The following INSL6 variants were observed in gnomAD, a reference collection of about 807,000 sequenced individuals.
INSL6 encodes the protein insulin-like peptide INSL6.
A neutral mutation model predicts 9.4 loss-of-function variants in INSL6; 16 were observed. The ratio of observed to expected loss-of-function variants is 1.70; its 90% CI spans 1.15 to 2.59. INSL6 has a LOEUF of 2.59. Among genes scored for constraint, INSL6 ranks in the 30% most tolerant of loss-of-function variants. The pLI is 0.00. For synonymous variants in INSL6, 154 were observed against 96.9 expected, an observed-to-expected ratio of 1.59 and a Z score of -3.46; for missense variants, 391 against 257.3, an observed-to-expected ratio of 1.52 and a Z score of -3.56.
chr9:5,096,304 T>C, the INSL6 span, among the ~76,000 whole-genome samples: 1 of 152,202 alleles, frequency 6.6e-6, no homozygotes, highest in African/African-American at 2.4e-5. Flanking sequence ...TCAAAACCCT[T>C]AGTAAATGAA....
chr9:5,089,959 C>A, the INSL6 span: 1 of 776,844 alleles, frequency 1.3e-6, no homozygotes, highest in Non-Finnish European at 1.8e-6. Context: ...TGGACTTATG[C>A]CAATGCCCAG....
chr9:5,103,221 C>CAAAAAAAAAAAAAAAAAAAA, the INSL6 span, among the ~76,000 whole-genome samples: 1 of 6,874 alleles, frequency 1.5e-4, no homozygotes, highest in Non-Finnish European at 2.5e-4. Flanking sequence ...AAAGGGAAAG[C>CAAAAAAAAAAAAAAAAAAAA]AAAAAAAAAA....
In INSL6 at chr9:5,142,850, CTT is replaced by C. The variant is rs1017564797; in HGVS notation, c.377-9260_377-9259del. On this transcript the variant is annotated intron_variant, in intron 2 of 3. Coordinates refer to the INSL6 transcript ENST00000649639. Reference sequence around the variant, plus strand: ...GGCTGTGGGCTTGTCATATACGGCTCTTGTTATTTTGAGGTATATTCCTTTCA... The same window carrying C: ...GGCTGTGGGCTTGTCATATACGGCTCGTTATTTTGAGGTATATTCCTTTCA... Among the ~76,000 whole-genome samples the C allele has an allele frequency of 4.4e-4, 67 of 152,198 alleles. 2 individuals carry two copies. The highest frequency in any genetic ancestry group is 2.9e-3 in the East Asian group (15 of 5,182).
chr9:5,036,372 A>C, the INSL6 span, among the ~76,000 whole-genome samples: 1 of 152,216 alleles, frequency 6.6e-6, no homozygotes, highest in Non-Finnish European at 1.5e-5. Flanking sequence ...ATTGGAAAAA[A>C]CTACTTTAAA....
At chr9:5,005,915 A>G in the INSL6 span, among the ~76,000 whole-genome samples, 1 of 152,200 alleles carries the variant, frequency 6.6e-6, no homozygotes, top group African/African-American at 2.4e-5. Flanking sequence ...TATAGTTTGA[A>G]GTCAGGTAGC....
At chr9:5,164,558 C>T (rs1431417718) in intron 1 of INSL6, among the ~76,000 whole-genome samples, 3 of 152,134 alleles carry the variant, frequency 2.0e-5, no homozygotes, top group South Asian at 2.1e-4. Flanking sequence ...TTAGTATATT[C>T]GCAGGGTTGT....
the INSL6 span, chr9:5,080,219 C>G: frequency 6.2e-7 from 1 of 1,600,226 alleles, no homozygotes; most frequent in East Asian, 2.2e-5. Flanking sequence ...CTGTTCGTAT[C>G]ATTTAAAAGT....
intron 2 of INSL6, among the ~76,000 whole-genome samples, chr9:5,158,199 C>T (rs1824857584): frequency 6.6e-6 from 1 of 152,084 alleles, no homozygotes; most frequent in Non-Finnish European, 1.5e-5. Flanking sequence ...CCTACGGCCT[C>T]TAGAAAATAG....
the INSL6 span, among the ~76,000 whole-genome samples, chr9:5,009,748 T>C: frequency 6.6e-6 from 1 of 152,090 alleles, no homozygotes; most frequent in Non-Finnish European, 1.5e-5. Context: ...GATGCCTTCC[T>C]CTGTGTATTT....
the INSL6 span, chr9:5,112,677 C>T: frequency 1.1e-6 from 1 of 941,160 alleles, no homozygotes; most frequent in African/African-American, 1.7e-5. Flanking sequence ...CAGGCCGTCT[C>T]GGTCATCCTG....
the INSL6 span, chr9:5,091,508 G>A: frequency 6.6e-6 from 1 of 152,106 alleles, no homozygotes; most frequent in African/African-American, 2.4e-5. Context: ...GGATTTTGTA[G>A]GTGCAGCTGC....
chr9:5,112,052 C>T, the INSL6 span: 5 of 408,166 alleles, frequency 1.2e-5, no homozygotes, highest in East Asian at 3.7e-4. Flanking sequence ...CCAGCTACGA[C>T]GGGGGTCTCC....
the INSL6 span, among the ~76,000 whole-genome samples, chr9:5,034,300 T>C: frequency 6.6e-6 from 1 of 152,050 alleles, no homozygotes; most frequent in African/African-American, 2.4e-5. Context: ...TGGGAGACTT[T>C]AACACCCCAC....
chr9:5,029,923 A>C, the INSL6 span: 44 of 1,571,518 alleles, frequency 2.8e-5, no homozygotes, highest in Non-Finnish European at 3.8e-5. Flanking sequence ...TCTTCAGTAA[A>C]GTAACTCACT....
intron 1 of INSL6, among the ~76,000 whole-genome samples, chr9:5,166,289 T>C (rs1414322968): frequency 6.6e-6 from 1 of 151,552 alleles, no homozygotes; most frequent in African/African-American, 2.4e-5. Context: ...CTTCTATACC[T>C]TGTTTGTTTT....
At chr9:5,016,666 C>A in the INSL6 span, among the ~76,000 whole-genome samples, 7 of 152,236 alleles carry the variant, frequency 4.6e-5, no homozygotes, top group South Asian at 2.1e-4. Context: ...CTACTTAGAT[C>A]AAGAAATAGA....
chr9:5,114,390 C>T, the INSL6 span: 1 of 517,532 alleles, frequency 1.9e-6, no homozygotes, highest in Admixed American at 2.3e-5. Flanking sequence ...GTCCACCCTG[C>T]TGGTGGGCAC....
At chr9:5,107,329 C>T in the INSL6 span, among the ~76,000 whole-genome samples, 2 of 152,006 alleles carry the variant, frequency 1.3e-5, no homozygotes, top group African/African-American at 2.4e-5. Context: ...TAAATCCAGC[C>T]CCTATGAAGG....
At chr9:5,034,292 G>A in the INSL6 span, among the ~76,000 whole-genome samples, 22 of 151,956 alleles carry the variant, frequency 1.4e-4, 1 homozygote, top group Admixed American at 1.2e-3. Flanking sequence ...AATAATAATG[G>A]GAGACTTTAA....
Sources: gnomAD v4.1 joint callset for allele counts (sites outside exome capture counted in the v4.1 genomes callset) on GRCh38, gnomAD v4.1.1 for gene constraint, MANE v1.5 for transcripts, NCBI Gene and HGNC (gene_info 2026-07-23, HGNC 2026-07-21) for gene names.